Variants in ADCY5 observed in about 807,000 individuals in gnomAD.
ADCY5 encodes the protein adenylate cyclase type 5.
In ADCY5, 30 loss-of-function variants were observed where a neutral mutation model predicts 119.7. The ratio of observed to expected loss-of-function variants is 0.25; its 90% CI spans 0.19 to 0.34. The LOEUF is 0.34. ADCY5 is among the 10% of genes least tolerant of loss of function. The probability of loss-of-function intolerance (pLI) is 1.00; values close to 1 mark genes in which losing one functional copy is unlikely to be tolerated. For synonymous variants in ADCY5, 753 were observed against 762.2 expected (o/e 0.99, Z 0.20); for missense variants, 1,324 against 1,775.2 (o/e 0.75, Z 4.57).
At chr3:123,386,945 G>A (rs1020462085) in intron 1 of ADCY5, among the ~76,000 whole-genome samples, 5 of 152,188 alleles carry the variant, frequency 3.3e-5, no homozygotes, top group African/African-American at 1.2e-4. Context: ...CCAGAGCCAT[G>A]ACCCAGCACA....
At chr3:123,429,621 C>A (rs1336629775) in intron 1 of ADCY5, among the ~76,000 whole-genome samples, 3 of 152,096 alleles carry the variant, frequency 2.0e-5, no homozygotes, top group African/African-American at 7.2e-5. Flanking sequence ...AGTGACAGAG[C>A]AACAGAATGA....
chr3:123,448,250 G>GAGCGGA lies in ADCY5; in HGVS notation c.290_295dup (p.Phe97_Arg98dup). The GAGCGGA allele has an allele frequency of 6.7e-7, 1 of 1,493,720 alleles. No individual in the cohort carries two copies. The highest frequency in any genetic ancestry group is 2.2e-4 in the Middle Eastern group (1 of 4,562). The allele number at this position is 1,493,720 out of a possible 1,614,324, so 92.5% of individuals were successfully genotyped here. On this transcript the variant is annotated inframe_insertion, in exon 1 of 21. Transcript: ENST00000462833. ...GCCGCGCTCCTGCCAGGCGGACTTG[G>GAGCGGA]AGCGGAAGCTGAAGCCGAAGCCCCC...
chr3:123,304,253 A>G (rs1238612537), intron 12 of ADCY5, 70 bp from the exon 13 acceptor site: 2 of 1,054,400 alleles, frequency 1.9e-6, no homozygotes, highest in Non-Finnish European at 2.9e-6. Context: ...GACTCCACAA[A>G]TGGTCCCGGG....
Position 123,328,796 on chromosome 3 carries a change from G to A in ADCY5, c.1653C>T (p.Val551=). The change falls in exon 6 of 21, where the codon GTC becomes GTT. Residue 551 remains valine, a synonymous_variant. Coordinates refer to ENST00000462833, the MANE Select transcript of ADCY5 (RefSeq NM_183357.3). The stretch of plus-strand genomic sequence containing the variant: ...TCACGTTCACCCCTGTCACCTCCCG[G>A]ACCAACCTGGGGATGGAGCAGGAGT... ...GMDMIEAISL[V]REVTGVNVNM... is the part of the protein sequence containing the mutation. The A allele has an allele frequency of 1.2e-6, 2 of 1,614,142 alleles. No individual in the cohort carries two copies. Among genetic ancestry groups the A allele is most frequent in the Non-Finnish European group, 1.7e-6 (2 of 1,180,024 alleles).
At chr3:123,396,771 AAGGAAGGAAGG>A (rs1944593163) in intron 1 of ADCY5, among the ~76,000 whole-genome samples, 1 of 70,222 alleles carries the variant, frequency 1.4e-5, no homozygotes, top group African/African-American at 5.6e-5. Context: ...GGAAGGAAGG[AAGGAAGGAAGG>A]CAGGCAGGCA....
At chr3:123,374,533 G>T (rs1259450477) in intron 1 of ADCY5, among the ~76,000 whole-genome samples, 1 of 152,190 alleles carries the variant, frequency 6.6e-6, no homozygotes, top group Non-Finnish European at 1.5e-5. Context: ...AGAAAGTGAG[G>T]CACAGTGAAG....
intron 1 of ADCY5, among the ~76,000 whole-genome samples, chr3:123,373,807 G>T (rs960709022): frequency 7.4e-6 from 1 of 135,158 alleles, no homozygotes; most frequent in South Asian, 2.3e-4. Context: ...CAGGACTGGC[G>T]AAGCATAGGC....
At chr3:123,334,805 G>A (rs942707976) in intron 3 of ADCY5, among the ~76,000 whole-genome samples, 6 of 152,122 alleles carry the variant, frequency 3.9e-5, no homozygotes, top group African/African-American at 1.4e-4. Flanking sequence ...TTTATGGGGT[G>A]GGTACAAAGT....
In ADCY5 at chr3:123,416,273, A is replaced by G. The variant is rs1384219068; in HGVS notation, c.1134+31139T>C. 10 of 1,536,032 alleles carry G rather than the reference A, an allele frequency of 6.5e-6. No homozygotes were observed. The South Asian group carries it at 1.1e-4, about 16-fold the overall frequency. ...CCCTCTTTCTGAGACTTCATTCCTC[A>G]GGACTTACTTCCAGACGCTTCCCCA... On this transcript the variant is annotated intron_variant, in intron 1 of 20. Transcript: ENST00000462833.
intron 1 of ADCY5, among the ~76,000 whole-genome samples, chr3:123,426,071 G>C (rs1945401371): frequency 6.6e-6 from 1 of 152,172 alleles, no homozygotes; most frequent in South Asian, 2.1e-4. Flanking sequence ...CCTGTGCTAA[G>C]TGCTCTGCTT....
At chr3:123,434,526 G>A (rs747653773) in intron 1 of ADCY5, among the ~76,000 whole-genome samples, 9 of 152,200 alleles carry the variant, frequency 5.9e-5, no homozygotes, top group African/African-American at 1.2e-4. Context: ...ACATCACCTC[G>A]TCAGAGTTGC....
intron 1 of ADCY5, among the ~76,000 whole-genome samples, chr3:123,436,993 C>T (rs1008339386): frequency 1.3e-5 from 2 of 152,060 alleles, no homozygotes; most frequent in Non-Finnish European, 2.9e-5. Flanking sequence ...AGAAAAAGCC[C>T]CTGAGACAAG....
At chr3:123,317,181 C>G (rs1940954722) in intron 11 of ADCY5, among the ~76,000 whole-genome samples, 1 of 152,164 alleles carries the variant, frequency 6.6e-6, no homozygotes, top group Non-Finnish European at 1.5e-5. Context: ...CTGCATACTT[C>G]AAAGTACTCC....
At chr3:123,328,556 C>CCGCCT in intron 6 of ADCY5, 88 bp downstream of exon 6, 1 of 1,498,120 alleles carries the variant, frequency 6.7e-7, no homozygotes, top group Non-Finnish European at 9.1e-7. Flanking sequence ...CCACCCTGCC[C>CCGCCT]CGCCTCGCCT....
At chr3:123,431,565 G>A (rs1400975242) in intron 1 of ADCY5, among the ~76,000 whole-genome samples, 4 of 152,204 alleles carry the variant, frequency 2.6e-5, no homozygotes, top group Admixed American at 6.5e-5. Flanking sequence ...TTGCTGCTCT[G>A]CTAAGATGGT....
intron 3 of ADCY5, 98 bp from the exon 4 acceptor site, chr3:123,332,773 A>C: frequency 1.2e-6 from 1 of 826,610 alleles, no homozygotes; most frequent in Non-Finnish European, 2.0e-6. Context: ...CTTTTTTTTT[A>C]AGAAGAGGTC....
intron 1 of ADCY5, among the ~76,000 whole-genome samples, chr3:123,362,943 A>C (rs571348951): frequency 6.6e-6 from 1 of 152,092 alleles, no homozygotes; most frequent in Admixed American, 6.6e-5. Flanking sequence ...GGAGTTCGAG[A>C]CCAGCCTGGC....
Position 123,296,114 on chromosome 3 carries a change from A to T in ADCY5, c.3033T>A (p.Thr1011=). The T allele has an allele frequency of 6.2e-7, 1 of 1,614,034 alleles. No individual in the cohort carries two copies. Among genetic ancestry groups the T allele is most frequent in the Non-Finnish European group, 8.5e-7 (1 of 1,179,972 alleles). Residue 1011 remains threonine (T), a synonymous_variant, in exon 17 of 21, where the codon ACT becomes ACA. Coordinates refer to ENST00000462833, the MANE Select transcript of ADCY5 (RefSeq NM_183357.3). ...LYLHAQQVES[T]ARLDFLWKLQ... The stretch of plus-strand genomic sequence containing the variant: ...GTTTCCAGAGGAAGTCGAGGCGGGC[A>T]GTGGACTCCACCTGCTGGGCGTGCA...
At chr3:123,346,767 A>C (rs1054350812) in intron 3 of ADCY5, among the ~76,000 whole-genome samples, 1 of 152,162 alleles carries the variant, frequency 6.6e-6, no homozygotes, top group Admixed American at 6.5e-5. Context: ...AGGACTCGTG[A>C]GTCCTAGGGA....
Sources: allele counts gnomAD v4.1 joint callset (sites outside exome capture counted in the v4.1 genomes callset), GRCh38; gene constraint gnomAD v4.1.1; transcripts MANE v1.5; gene names NCBI Gene and HGNC (gene_info 2026-07-23, HGNC 2026-07-21).